MIER2: variants seen among roughly 807,000 people sequenced by gnomAD.
MIER2 encodes the protein mesoderm induction early response protein 2.
Under a neutral mutation model 67.6 loss-of-function variants are expected in MIER2, and 30 were observed. The observed-to-expected ratio is 0.44, with a 90% confidence interval of 0.33 to 0.60. The LOEUF (loss-of-function observed/expected upper bound fraction) is 0.60, where lower values mean the gene tolerates loss of function less well. Ranked by LOEUF, MIER2 falls within the 20% of genes least tolerant of loss-of-function variation. The probability of loss-of-function intolerance (pLI) is 0.02; values close to 1 mark genes in which losing one functional copy is unlikely to be tolerated. For synonymous variants in MIER2, 372 were observed against 312.6 expected (o/e 1.19, Z -2.00); for missense variants, 702 against 745.1 (o/e 0.94, Z 0.67).
rs559138455 is a variant in MIER2, at chr19:314,445, A to G, written c.656-802T>C. On this transcript the variant is annotated intron_variant, in intron 7 of 13. Coordinates refer to ENST00000264819, the MANE Select transcript of MIER2 (RefSeq NM_017550.3). ...AGCACCTCTCAATTATCCAGGAAAGAGGCACAGGATCCCAAACAAAGCAAA... is the reference window on the plus strand; with the variant it reads ...AGCACCTCTCAATTATCCAGGAAAGGGGCACAGGATCCCAAACAAAGCAAA... Among the ~76,000 whole-genome samples the G allele has an allele frequency of 3.3e-5, 5 of 152,372 alleles. No homozygotes were observed. In the South Asian group the frequency reaches 1.0e-3, roughly 32 times the overall value.
chr19:323,210 C>T (rs1177661048), intron 7 of MIER2, among the ~76,000 whole-genome samples: 1 of 133,798 alleles, frequency 7.5e-6, no homozygotes, highest in Non-Finnish European at 1.7e-5. Context: ...AAGACACACA[C>T]AACCACGCAG....
chr19:306,797 A>C (rs1970672318), intron 13 of MIER2, 86 bp from the exon 14 acceptor site: 5 of 1,542,656 alleles, frequency 3.2e-6, no homozygotes, highest in Non-Finnish European at 4.4e-6. Context: ...GCTGGACTCG[A>C]GACTCCCAGC....
chr19:317,934 T>C (rs950869819), intron 7 of MIER2, among the ~76,000 whole-genome samples: 1 of 152,200 alleles, frequency 6.6e-6, no homozygotes, highest in African/African-American at 2.4e-5. Context: ...TCGGACACAG[T>C]GGCTCACACC....
chr19:336,182 G>A lies in MIER2; in HGVS notation c.10-9C>T, dbSNP rs776997725. On this transcript the variant is annotated splice_polypyrimidine_tract_variant and intron_variant, in intron 1 of 13. Coordinates refer to ENST00000264819, the MANE Select transcript of MIER2 (RefSeq NM_017550.3). ...CTCCCCAGCGAGGAGGCCTGCGAAG[G>A]AAGAGAGGCAGGGTTAGCTCGGCCG... 5.0e-6 allele frequency: 8 copies of A among 1,611,518 alleles called. No individual in the cohort carries two copies. Among genetic ancestry groups the A allele is most frequent in the African/African-American group, 1.3e-5 (1 of 75,036 alleles).
At chr19:325,566 T>C in intron 7 of MIER2, 69 bp downstream of exon 7, 1 of 1,568,216 alleles carries the variant, frequency 6.4e-7, no homozygotes, top group East Asian at 2.2e-5. Flanking sequence ...TGTCCAAGGA[T>C]CTGACGTCCA....
In MIER2 at chr19:308,949, T is replaced by C. The variant is rs1364202587; in HGVS notation, c.985-24A>G. 5 of 1,588,794 alleles carry C rather than the reference T, an allele frequency of 3.1e-6. No individual in the cohort carries two copies. In the African/African-American group the frequency reaches 4.0e-5, roughly 13 times the overall value. On this transcript the variant is annotated intron_variant, in intron 10 of 13. Coordinates refer to ENST00000264819, the MANE Select transcript of MIER2 (RefSeq NM_017550.3). The surrounding 1 kb of genome is among the most constrained non-coding windows in gnomAD (Gnocchi z 9.1). ...ACCTGCGGGGAGGGGTCAGGAGCCA[T>C]CTCTGTCCCCGGCTGCCCAGCCCCA... is the stretch of plus-strand genomic sequence containing the variant.
intron 1 of MIER2, among the ~76,000 whole-genome samples, chr19:340,247 T>G (rs370227004): frequency 6.6e-6 from 1 of 152,078 alleles, no homozygotes; most frequent in Non-Finnish European, 1.5e-5. Context: ...ATCACACTAC[T>G]GGGGAACACA....
In MIER2 at chr19:326,780, G is replaced by A; in HGVS notation, c.494-182C>T. ...CAGGGATGCACCTTTGAAGAAAGAGGCCTTCCCTTCTATGCAGCTGCTGCA... is the reference window on the plus strand; with the variant it reads ...CAGGGATGCACCTTTGAAGAAAGAGACCTTCCCTTCTATGCAGCTGCTGCA... On this transcript the variant is annotated intron_variant, in intron 5 of 13. Transcript: ENST00000264819. 3 of 606,572 alleles carry A rather than the reference G, an allele frequency of 4.9e-6. No individual in the cohort carries two copies. The South Asian group carries it at 6.2e-5, about 12-fold the overall frequency. 37.6% of individuals were successfully genotyped at this position (606,572 alleles called of 1,614,324 possible).
intron 7 of MIER2, among the ~76,000 whole-genome samples, chr19:315,513 T>A (rs1279157829): frequency 6.6e-6 from 1 of 152,238 alleles, no homozygotes; most frequent in Non-Finnish European, 1.5e-5. Flanking sequence ...CAGCAGAGAC[T>A]TGAAATTTAT....
rs762191205 is a variant in MIER2, at chr19:327,855, C to T, written c.369+9G>A. ...CTGTGAGCCAGTTCCAGGAAGGGCCCTCACTTACTTTGTCCAGGGTCATGT... is the reference window on the plus strand; with the variant it reads ...CTGTGAGCCAGTTCCAGGAAGGGCCTTCACTTACTTTGTCCAGGGTCATGT... On this transcript the variant is annotated intron_variant, in intron 4 of 13. Transcript: ENST00000264819. 1 of 1,610,908 alleles carries T rather than the reference C, an allele frequency of 6.2e-7. No homozygotes were observed. Among genetic ancestry groups the T allele is most frequent in the Admixed American group, 1.7e-5 (1 of 59,642 alleles).
Position 334,467 on chromosome 19 carries a change from T to TC in MIER2, c.175dup (p.Glu59GlyfsTer30), listed in dbSNP as rs1193671914. The TC allele has an allele frequency of 1.2e-6, 2 of 1,613,950 alleles. No individual in the cohort carries two copies. The highest frequency in any genetic ancestry group is 8.5e-7 in the Non-Finnish European group (1 of 1,179,984). On this transcript the variant is annotated frameshift_variant, in exon 3 of 14. Coordinates refer to ENST00000264819, the MANE Select transcript of MIER2 (RefSeq NM_017550.3). LOFTEE classifies it high-confidence loss of function. ...TGGGCACCTCGAGGCCTCCTCGCAC[T>TC]CCCCCCTAACACTGTAGTTCTGTGA... is the stretch of plus-strand genomic sequence containing the variant.
At position 329,452 on chromosome 19, in the gene MIER2, T is replaced by C. The variant is rs145465448; in HGVS notation, c.244-1463A>G. Among the ~76,000 whole-genome samples the C allele has an allele frequency of 4.2e-3, 642 of 152,306 alleles. 6 individuals are homozygous for C. Among genetic ancestry groups the C allele is most frequent in the African/African-American group, 0.013 (561 of 41,582 alleles). ...GCCGTGACTTCCATTTTTGGCTTCA[T>C]TGAGGCTTGCACTGATAGTGCAGCA... On this transcript the variant is annotated intron_variant, in intron 3 of 13. Transcript: ENST00000264819.
rs550576425 is a variant in MIER2, at chr19:307,683, C to A, written c.1199-147G>T. The A allele has an allele frequency of 4.6e-6, 4 of 868,260 alleles. 1 individual carries two copies. The highest frequency in any genetic ancestry group is 6.6e-6 in the Non-Finnish European group (4 of 610,124). 53.8% of individuals were successfully genotyped at this position (868,260 alleles called of 1,614,324 possible). A position where few individuals can be genotyped will look rare whatever the true frequency, so the allele number is the denominator to read the frequency against. ...ACAAATACAAAAGACACCAGTTACACTGAAATCCGCGAGCCCCAGGTTAAG... is the reference window on the plus strand; with the variant it reads ...ACAAATACAAAAGACACCAGTTACAATGAAATCCGCGAGCCCCAGGTTAAG... On this transcript the variant is annotated intron_variant, in intron 12 of 13. Coordinates refer to ENST00000264819, the MANE Select transcript of MIER2 (RefSeq NM_017550.3).
At chr19:324,687 G>A (rs545619375) in intron 7 of MIER2, among the ~76,000 whole-genome samples, 11 of 152,212 alleles carry the variant, frequency 7.2e-5, no homozygotes, top group Non-Finnish European at 1.3e-4. Context: ...CAGACGACTC[G>A]AATGACACAG....
intron 3 of MIER2, 29 bp from the exon 4 acceptor site, chr19:328,018 T>C (rs1971844002): frequency 5.6e-6 from 9 of 1,610,670 alleles, no homozygotes; most frequent in East Asian, 2.3e-5. Context: ...CAAGGCCCCA[T>C]CAGGAGGGAC....
intron 7 of MIER2, among the ~76,000 whole-genome samples, chr19:315,139 C>T (rs542378258): frequency 1.1e-4 from 17 of 152,126 alleles, no homozygotes; most frequent in Admixed American, 8.5e-4. Context: ...CTGAGGCGGG[C>T]GGGTCACCTG....
intron 7 of MIER2, among the ~76,000 whole-genome samples, chr19:324,657 A>T (rs1357358688): frequency 6.6e-6 from 1 of 150,980 alleles, no homozygotes; most frequent in African/African-American, 2.4e-5. Flanking sequence ...AATGCAATAC[A>T]CAGGACACAC....
Position 308,467 on chromosome 19 carries a change from G to T in MIER2, c.1198+110C>A. 1 of 1,190,082 alleles carries T rather than the reference G, an allele frequency of 8.4e-7. No homozygotes were observed. The highest frequency in any genetic ancestry group is 1.2e-6 in the Non-Finnish European group (1 of 861,468). 73.7% of individuals were successfully genotyped at this position (1,190,082 alleles called of 1,614,324 possible). A position where few individuals can be genotyped will look rare whatever the true frequency, so the allele number is the denominator to read the frequency against. ...GCCACCCAGACGCCCACTCCTCCTG[G>T]CGAGGCTGGCCCAGCACAGGGCGCC... On this transcript the variant is annotated intron_variant, in intron 12 of 13. Transcript: ENST00000264819. This position sits in a 1 kb window ranked among gnomAD's most constrained non-coding sequence, Gnocchi z 9.1.
rs777789706 is a variant in MIER2 at position 312,275 on chromosome 19, G to A, written c.808-3C>T. 10 of 1,613,536 alleles carry A rather than the reference G, an allele frequency of 6.2e-6. No homozygotes were observed. The African/African-American group carries it at 1.1e-4, about 17-fold the overall frequency. ...CATTTCACCAACTCGTACAGCGCCT[G>A]GGGAGAGGACATGTTGGCTCTTCCA... On this transcript the variant is annotated splice_polypyrimidine_tract_variant and splice_region_variant and intron_variant, in intron 8 of 13. Coordinates refer to ENST00000264819, the MANE Select transcript of MIER2 (RefSeq NM_017550.3).
Sources: gnomAD v4.1 joint callset for allele counts (sites outside exome capture counted in the v4.1 genomes callset) on GRCh38, gnomAD v4.1.1 for gene constraint, Gnocchi (gnomAD v3.1) non-coding constraint, MANE v1.5 for transcripts, NCBI Gene and HGNC (gene_info 2026-07-23, HGNC 2026-07-21) for gene names.